The following STAU2 variants were observed in gnomAD, a reference collection of about 807,000 sequenced individuals.
STAU2 encodes double-stranded RNA-binding protein Staufen homolog 2.
A neutral mutation model predicts 65.9 loss-of-function variants in STAU2; 20 were observed. That is an observed-to-expected ratio of 0.30 (90% CI 0.21 to 0.44). The LOEUF (loss-of-function observed/expected upper bound fraction) is 0.44, where lower values mean the gene tolerates loss of function less well. STAU2 is among the 20% of genes least tolerant of loss of function. STAU2 has a pLI of 1.00. For missense variants in STAU2, 558 were observed against 683.9 expected, an observed-to-expected ratio of 0.82 and a Z score of 2.05; for synonymous variants, 232 against 233.9, an observed-to-expected ratio of 0.99 and a Z score of 0.07.
In STAU2 at chr8:73,725,798, T is replaced by G. The variant is rs1042479200; in HGVS notation, c.-18+12486A>C. 3.9e-5 allele frequency among the ~76,000 whole-genome samples: 6 copies of G among 152,102 alleles called. 1 individual carries two copies. Among genetic ancestry groups the G allele is most frequent in the Middle Eastern group, 6.3e-3 (2 of 316 alleles). On this transcript the variant is annotated intron_variant, in intron 3 of 14. Transcript: ENST00000524300. Reference sequence around the variant, plus strand: ...ATATATAAAAATTAGCCGGATATAGTGGTGCATGCCTGTAATCCCAGCTAC... The same window carrying G: ...ATATATAAAAATTAGCCGGATATAGGGGTGCATGCCTGTAATCCCAGCTAC...
intron 6 of STAU2, among the ~76,000 whole-genome samples, chr8:73,649,648 C>A (rs1815677250): frequency 6.6e-6 from 1 of 151,808 alleles, no homozygotes; most frequent in Non-Finnish European, 1.5e-5. Context: ...ATACTGCTCA[C>A]TAAGCTTCTT....
intron 3 of STAU2, among the ~76,000 whole-genome samples, chr8:73,725,838 T>C (rs1805583163): frequency 6.6e-6 from 1 of 152,004 alleles, no homozygotes; most frequent in Admixed American, 6.6e-5. Context: ...GAGGCTGAGG[T>C]GGGAGGACTG....
At chr8:73,628,935 T>C (rs1282817812) in intron 6 of STAU2, among the ~76,000 whole-genome samples, 5 of 152,234 alleles carry the variant, frequency 3.3e-5, no homozygotes, top group Non-Finnish European at 5.9e-5. Context: ...TTTGGATGTT[T>C]GCCCACTTCA....
At chr8:73,497,082 T>A (rs1353543374) in intron 13 of STAU2, among the ~76,000 whole-genome samples, 1 of 151,792 alleles carries the variant, frequency 6.6e-6, no homozygotes, top group Non-Finnish European at 1.5e-5. Context: ...CAGTTTAAAA[T>A]TCTGGATGAT....
At chr8:73,669,954 A>G (rs114084766) in intron 6 of STAU2, among the ~76,000 whole-genome samples, 542 of 152,324 alleles carry the variant, frequency 3.6e-3, no homozygotes, top group African/African-American at 0.012. Flanking sequence ...CCAAAATAAA[A>G]CAAATATAAA....
At chr8:73,715,932 T>G (rs2130679934) in intron 3 of STAU2, among the ~76,000 whole-genome samples, 1 of 152,168 alleles carries the variant, frequency 6.6e-6, no homozygotes, top group South Asian at 2.1e-4. Context: ...CTTTTTTTTT[T>G]GAGACGGAGT....
At chr8:73,694,661 A>C (rs572033146) in intron 4 of STAU2, among the ~76,000 whole-genome samples, 1 of 152,240 alleles carries the variant, frequency 6.6e-6, no homozygotes, top group African/African-American at 2.4e-5. Context: ...GAACAATCAC[A>C]GTGTCTGGCT....
intron 3 of STAU2, among the ~76,000 whole-genome samples, chr8:73,721,284 C>A (rs1281828235): frequency 1.3e-5 from 1 of 77,776 alleles, no homozygotes; most frequent in Admixed American, 1.4e-4. Context: ...AAAACCCCAC[C>A]TCCAAAAAAA....
At chr8:73,708,422 G>A (rs1342611850) in intron 4 of STAU2, among the ~76,000 whole-genome samples, 1 of 152,102 alleles carries the variant, frequency 6.6e-6, no homozygotes, top group Non-Finnish European at 1.5e-5. Flanking sequence ...TGCATTAGTT[G>A]TAGATTTGTA....
At chr8:73,487,924 C>T (rs1192445891) in intron 13 of STAU2, among the ~76,000 whole-genome samples, 5 of 151,890 alleles carry the variant, frequency 3.3e-5, no homozygotes, top group Non-Finnish European at 7.4e-5. Context: ...TGGAAGAATC[C>T]GTGATTCTGA....
chr8:73,530,855 C>T (rs1805764054), intron 13 of STAU2, among the ~76,000 whole-genome samples: 1 of 152,166 alleles, frequency 6.6e-6, no homozygotes, highest in Non-Finnish European at 1.5e-5. Context: ...GTAACACTCA[C>T]CAACAGAGGA....
intron 4 of STAU2, among the ~76,000 whole-genome samples, chr8:73,704,188 A>C (rs1014349453): frequency 6.6e-6 from 1 of 152,244 alleles, no homozygotes; most frequent in African/African-American, 2.4e-5. Context: ...CAATCACTAC[A>C]TACAATCAGC....
chr8:73,450,077 G>C (rs999779762), intron 13 of STAU2, among the ~76,000 whole-genome samples: 1 of 152,148 alleles, frequency 6.6e-6, no homozygotes, highest in Non-Finnish European at 1.5e-5. Context: ...ACAGAGGATG[G>C]GTAAATTTGG....
At chr8:73,465,787 T>C (rs113522163) in intron 13 of STAU2, among the ~76,000 whole-genome samples, 2,170 of 152,310 alleles carry the variant, frequency 0.014, 19 homozygotes, top group Non-Finnish European at 0.021. Context: ...TATTGCAGCC[T>C]ATTTCTCACC....
rs1490478734 is a variant in STAU2 at position 73,552,308 on chromosome 8, T to C, written c.1234A>G (p.Ile412Val). 2.5e-6 allele frequency: 4 copies of C among 1,611,380 alleles called. No individual in the cohort carries two copies. The highest frequency in any genetic ancestry group is 2.5e-6 in the Non-Finnish European group (3 of 1,178,764). ...PEPTNNTPKG[I>V]LHLSPDVYQE... ...TAAACATCAGGAGACAAATGAAGAA[T>C]TCCTTTTGGAGCTATAAATAAAATG... Residue 412 changes from isoleucine to valine, a missense_variant, in exon 13 of 15, where the codon ATT becomes GTT. By Grantham distance (29) the Ile-to-Val change is conservative (BLOSUM62 3). Coordinates refer to ENST00000524300, the MANE Select transcript of STAU2 (RefSeq NM_001164380.2).
intron 4 of STAU2, among the ~76,000 whole-genome samples, chr8:73,704,884 A>T (rs1283252431): frequency 6.6e-6 from 1 of 152,064 alleles, no homozygotes; most frequent in African/African-American, 2.4e-5. Flanking sequence ...GACCAGGATG[A>T]TCTCAATCTC....
chr8:73,422,779 T>TAGAC, intron 13 of STAU2, 77 bp from the exon 14 acceptor site: 1 of 957,590 alleles, frequency 1.0e-6, no homozygotes, highest in Non-Finnish European at 1.4e-6. Flanking sequence ...AAAGCTGAGA[T>TAGAC]AGAAAGACTC....
At chr8:73,574,291 C>T (rs1809343870) in intron 12 of STAU2, among the ~76,000 whole-genome samples, 1 of 152,192 alleles carries the variant, frequency 6.6e-6, no homozygotes, top group South Asian at 2.1e-4. Flanking sequence ...AACAGGAACA[C>T]TTTTACACTG....
intron 6 of STAU2, among the ~76,000 whole-genome samples, chr8:73,628,871 G>A (rs139236603): frequency 3.3e-5 from 5 of 152,214 alleles, no homozygotes; most frequent in Non-Finnish European, 5.9e-5. Context: ...TTATTACAAC[G>A]TCCAGCCCAG....
Sources: allele counts gnomAD v4.1 joint callset (sites outside exome capture counted in the v4.1 genomes callset), GRCh38; gene constraint gnomAD v4.1.1; transcripts MANE v1.5; gene names NCBI Gene and HGNC (gene_info 2026-07-23, HGNC 2026-07-21).